The following ADAMTS12 variants were observed in gnomAD, a reference collection of about 807,000 sequenced individuals.
ADAMTS12 encodes ADAM metallopeptidase with thrombospondin type 1 motif 12.
In ADAMTS12, 118 loss-of-function variants were observed where a neutral mutation model predicts 167.8. The ratio of observed to expected loss-of-function variants is 0.70; its 90% CI spans 0.61 to 0.82. The LOEUF (loss-of-function observed/expected upper bound fraction) is 0.82. Ranked by LOEUF, ADAMTS12 falls within the 40% of genes least tolerant of loss-of-function variation. ADAMTS12 has a pLI of 0.00. For synonymous variants in ADAMTS12, 704 were observed against 716.9 expected (o/e 0.98, Z 0.29); for missense variants, 1,916 against 1,998.8 (o/e 0.96, Z 0.79).
chr5:33,642,218 C>T (rs189206447), intron 10 of ADAMTS12, among the ~76,000 whole-genome samples: 2 of 152,134 alleles, frequency 1.3e-5, no homozygotes, highest in Non-Finnish European at 2.9e-5. Flanking sequence ...AGATCGAGCA[C>T]GAGAATGTAA....
chr5:33,545,375 A>G (rs1322078726), intron 22 of ADAMTS12, among the ~76,000 whole-genome samples: 2 of 152,164 alleles, frequency 1.3e-5, no homozygotes, highest in East Asian at 1.9e-4. Flanking sequence ...ATGCTGGAGA[A>G]GATTTGGAGA....
intron 5 of ADAMTS12, among the ~76,000 whole-genome samples, chr5:33,680,253 CA>C (rs1579830000): frequency 2.0e-5 from 3 of 152,126 alleles, no homozygotes; most frequent in Admixed American, 6.5e-5. Context: ...GTGATGGAGT[CA>C]GGGGGCAGAG....
intron 2 of ADAMTS12, among the ~76,000 whole-genome samples, chr5:33,827,872 AT>A (rs1330238582): frequency 2.0e-5 from 3 of 152,108 alleles, no homozygotes; most frequent in Non-Finnish European, 4.4e-5. Context: ...GTTACCATCT[AT>A]CCATTTGCTG....
rs896478176 is a variant in ADAMTS12 at position 33,526,878 on chromosome 5, A to C, written c.*310T>G. ...AGCTGGTCTCTTTGTTTTTATCTTT[A>C]AGGGAGAACAAAAATACAGTATTTC... On this transcript the variant is annotated 3_prime_UTR_variant, in exon 24 of 24. Coordinates refer to ENST00000504830, the MANE Select transcript of ADAMTS12 (RefSeq NM_030955.4). 2 of 269,866 alleles carry C rather than the reference A, an allele frequency of 7.4e-6. No homozygotes were observed. Among genetic ancestry groups the C allele is most frequent in the Non-Finnish European group, 1.4e-5 (2 of 143,518 alleles). 16.7% of individuals were successfully genotyped at this position (269,866 alleles called of 1,614,324 possible). A position where few individuals can be genotyped will look rare whatever the true frequency, so the allele number is the denominator to read the frequency against.
chr5:33,741,964 T>C (rs1195830130), intron 3 of ADAMTS12, among the ~76,000 whole-genome samples: 1 of 152,198 alleles, frequency 6.6e-6, no homozygotes, highest in Non-Finnish European at 1.5e-5. Flanking sequence ...TTATATCAAT[T>C]TCCTCTGCTA....
chr5:33,672,345 C>G (rs1429118585), intron 5 of ADAMTS12, among the ~76,000 whole-genome samples: 4 of 151,918 alleles, frequency 2.6e-5, no homozygotes. Flanking sequence ...CATACATACA[C>G]ACACATCCAC....
chr5:33,712,475 C>A (rs766757434), intron 3 of ADAMTS12, among the ~76,000 whole-genome samples: 6 of 152,108 alleles, frequency 3.9e-5, no homozygotes, highest in Non-Finnish European at 5.9e-5. Flanking sequence ...ATAAAACCCT[C>A]ATCTTTGCAG....
chr5:33,767,437 C>T (rs1245960253), intron 2 of ADAMTS12, among the ~76,000 whole-genome samples: 1 of 151,892 alleles, frequency 6.6e-6, no homozygotes, highest in South Asian at 2.1e-4. Flanking sequence ...CCTCTTTGTG[C>T]CTTTCTGTAT....
rs62349832 is a variant in ADAMTS12 at position 33,834,073 on chromosome 5, G to A, written c.489+47046C>T. ...CAGCCCTGCTTGGTGGCTTTAGATG[G>A]CTGTCTTGTCCCTCTGTCTCAAATC... On this transcript the variant is annotated intron_variant, in intron 2 of 23. Coordinates refer to ENST00000504830, the MANE Select transcript of ADAMTS12 (RefSeq NM_030955.4). Among the ~76,000 whole-genome samples the A allele has an allele frequency of 6.6e-3, 1,003 of 152,282 alleles. 5 individuals are homozygous for A. The highest frequency in any genetic ancestry group is 0.011 in the Non-Finnish European group (726 of 68,008).
At chr5:33,555,818 C>T (rs960282190) in intron 20 of ADAMTS12, among the ~76,000 whole-genome samples, 14 of 152,202 alleles carry the variant, frequency 9.2e-5, no homozygotes, top group Admixed American at 2.0e-4. Flanking sequence ...TCCAAAGCTT[C>T]CATGCAATGT....
At chr5:33,653,469 T>C (rs1467210108) in intron 7 of ADAMTS12, among the ~76,000 whole-genome samples, 1 of 152,170 alleles carries the variant, frequency 6.6e-6, no homozygotes, top group Non-Finnish European at 1.5e-5. Flanking sequence ...TATTGTTCTT[T>C]AGTTTTCTCT....
chr5:33,584,309 A>C (rs1427341996), intron 18 of ADAMTS12, among the ~76,000 whole-genome samples: 1 of 152,164 alleles, frequency 6.6e-6, no homozygotes, highest in African/African-American at 2.4e-5. Context: ...GTAATTAAAT[A>C]TTGATTTCTG....
intron 1 of ADAMTS12, among the ~76,000 whole-genome samples, chr5:33,887,108 C>T (rs1750663998): frequency 6.6e-6 from 1 of 152,060 alleles, no homozygotes; most frequent in African/African-American, 2.4e-5. Flanking sequence ...TAGCTATAAT[C>T]TTGGCCAATG....
intron 2 of ADAMTS12, among the ~76,000 whole-genome samples, chr5:33,755,507 C>T (rs1250628871): frequency 6.6e-6 from 1 of 152,156 alleles, no homozygotes; most frequent in Non-Finnish European, 1.5e-5. Context: ...TATTAGTCAT[C>T]TTGATGTATG....
At chr5:33,837,350 G>C (rs1187482445) in intron 2 of ADAMTS12, among the ~76,000 whole-genome samples, 2 of 152,244 alleles carry the variant, frequency 1.3e-5, no homozygotes, top group Admixed American at 6.5e-5. Flanking sequence ...ATGGTGGAAA[G>C]TGGAGATGGG....
At chr5:33,646,041 A>C (rs1740650579) in intron 9 of ADAMTS12, among the ~76,000 whole-genome samples, 2 of 152,184 alleles carry the variant, frequency 1.3e-5, no homozygotes, top group African/African-American at 4.8e-5. Flanking sequence ...GGTTCCAAGG[A>C]ACCACTGTGC....
At chr5:33,635,771 T>C (rs1404662457) in intron 12 of ADAMTS12, among the ~76,000 whole-genome samples, 1 of 152,132 alleles carries the variant, frequency 6.6e-6, no homozygotes. Flanking sequence ...ACTAAGCAAA[T>C]AGCAACTCTG....
chr5:33,547,095 T>C (rs886221874), intron 21 of ADAMTS12, among the ~76,000 whole-genome samples: 1 of 152,208 alleles, frequency 6.6e-6, no homozygotes, highest in East Asian at 1.9e-4. Context: ...TTTTTCCCAC[T>C]TATTCAACCT....
chr5:33,656,196 C>T (rs1322548385), intron 7 of ADAMTS12, among the ~76,000 whole-genome samples: 1 of 152,158 alleles, frequency 6.6e-6, no homozygotes, highest in Non-Finnish European at 1.5e-5. Flanking sequence ...ACTACAATAT[C>T]AAAGTGATTC....
Sources: gnomAD v4.1 joint callset for allele counts (sites outside exome capture counted in the v4.1 genomes callset) on GRCh38, gnomAD v4.1.1 for gene constraint, MANE v1.5 for transcripts, NCBI Gene and HGNC (gene_info 2026-07-23, HGNC 2026-07-21) for gene names.